The following SMCHD1 variants were observed in gnomAD, a reference collection of about 807,000 sequenced individuals.
SMCHD1 encodes structural maintenance of chromosomes flexible hinge domain-containing protein 1.
Under a neutral mutation model 254.7 loss-of-function variants are expected in SMCHD1, and 78 were observed. That is an observed-to-expected ratio of 0.31 (90% CI 0.26 to 0.37). SMCHD1 has a LOEUF of 0.37. Ranked by LOEUF, SMCHD1 falls within the 10% of genes least tolerant of loss-of-function variation. The pLI, the probability that SMCHD1 is intolerant of heterozygous loss-of-function variation, is 1.00. For missense variants in SMCHD1, 1,840 were observed against 2,408.1 expected, an observed-to-expected ratio of 0.76 and a Z score of 4.94; for synonymous variants, 766 against 794.9, an observed-to-expected ratio of 0.96 and a Z score of 0.61.
chr18:2,762,374 A>C (rs1291389257), intron 36 of SMCHD1, 138 bp downstream of exon 36: 5 of 617,364 alleles, frequency 8.1e-6, no homozygotes, highest in Non-Finnish European at 1.4e-5. Flanking sequence ...GATGAATTAA[A>C]TATTTATAAA....
intron 5 of SMCHD1, among the ~76,000 whole-genome samples, chr18:2,680,428 C>T (rs2073898701): frequency 6.6e-6 from 1 of 152,186 alleles, no homozygotes; most frequent in Non-Finnish European, 1.5e-5. Context: ...GCTTTGTGGT[C>T]AGCTAGTGAT....
At chr18:2,785,588 G>A (rs2076225597) in intron 45 of SMCHD1, among the ~76,000 whole-genome samples, 1 of 134,470 alleles carries the variant, frequency 7.4e-6, no homozygotes, top group African/African-American at 2.8e-5. Context: ...GGAGGTGGAG[G>A]TTACAGTGAG....
rs1041610561 is a variant in SMCHD1, at chr18:2,731,177, A to G, written c.3049-1088A>G. On this transcript the variant is annotated intron_variant, in intron 24 of 47. Transcript: ENST00000320876. Reference sequence around the variant, plus strand: ...ACATTCCATGAGGTAGGAATTTTTAATATCACTCACGTGGATAGGCTTCCA... The same window carrying G: ...ACATTCCATGAGGTAGGAATTTTTAGTATCACTCACGTGGATAGGCTTCCA... Among the ~76,000 whole-genome samples, 4 of 152,368 alleles carry G rather than the reference A, an allele frequency of 2.6e-5. No individual in the cohort carries two copies. In the South Asian group the frequency reaches 6.2e-4, roughly 24 times the overall value.
rs397858216 is a variant in SMCHD1 at position 2,767,584 on chromosome 18, C to CTTTTTTTTT, written c.4720-2095_4720-2087dup. ...TGGGCTATATATCACAACCTATTTC[C>CTTTTTTTTT]TTTTTTTTTTTTTTTTTTTTTTTGA... On this transcript the variant is annotated intron_variant, in intron 37 of 47. Coordinates refer to ENST00000320876, the MANE Select transcript of SMCHD1 (RefSeq NM_015295.3). Among the ~76,000 whole-genome samples, 14 of 89,244 alleles carry CTTTTTTTTT rather than the reference C, an allele frequency of 1.6e-4. 1 individual carries two copies. The highest frequency in any genetic ancestry group is 2.0e-4 in the Non-Finnish European group (10 of 49,750). 58.5% of individuals were successfully genotyped at this position (89,244 alleles called of 152,430 possible).
intron 24 of SMCHD1, among the ~76,000 whole-genome samples, chr18:2,731,886 C>G (rs966317475): frequency 5.3e-5 from 8 of 152,090 alleles, no homozygotes; most frequent in African/African-American, 1.9e-4. Context: ...TGGTAGGCGC[C>G]TGTAATCCCA....
At chr18:2,721,973 A>T (rs2074936479) in intron 19 of SMCHD1, among the ~76,000 whole-genome samples, 1 of 152,158 alleles carries the variant, frequency 6.6e-6, no homozygotes, top group Non-Finnish European at 1.5e-5. Flanking sequence ...TTCTCAGGGG[A>T]TGCTAAAACT....
intron 5 of SMCHD1, among the ~76,000 whole-genome samples, chr18:2,687,421 C>T (rs1322998471): frequency 6.6e-6 from 1 of 151,940 alleles, no homozygotes; most frequent in African/African-American, 2.4e-5. Flanking sequence ...AGATAATATT[C>T]CTCTCTGTCT....
intron 1 of SMCHD1, among the ~76,000 whole-genome samples, chr18:2,657,909 A>C (rs2430852): frequency 0.17 from 26,151 of 151,402 alleles, 5,502 homozygotes; most frequent in African/African-American, 0.5. Context: ...CAGCCTCCCA[A>C]GTAGCCAGGA....
Position 2,707,936 on chromosome 18 carries a change from A to G in SMCHD1, c.2260+16A>G. 1.4e-6 allele frequency: 2 copies of G among 1,381,386 alleles called. No individual in the cohort carries two copies. Among genetic ancestry groups the G allele is most frequent in the Non-Finnish European group, 2.0e-6 (2 of 1,011,764 alleles). 85.6% of individuals were successfully genotyped at this position (1,381,386 alleles called of 1,614,324 possible). On this transcript the variant is annotated intron_variant, in intron 17 of 47. Coordinates refer to ENST00000320876, the MANE Select transcript of SMCHD1 (RefSeq NM_015295.3). ...ATTTTACATTGTAAGTATACAAACT[A>G]ATTTAGATCTTTAATATTGTTTTTA...
Position 2,677,088 on chromosome 18 carries a change from C to T in SMCHD1, c.638+2943C>T, listed in dbSNP as rs149976782. Among the ~76,000 whole-genome samples, 887 of 152,196 alleles carry T rather than the reference C, an allele frequency of 5.8e-3. 8 individuals are homozygous for T. The highest frequency in any genetic ancestry group is 0.015 in the South Asian group (72 of 4,830). On this transcript the variant is annotated intron_variant, in intron 5 of 47. Coordinates refer to ENST00000320876, the MANE Select transcript of SMCHD1 (RefSeq NM_015295.3). The stretch of plus-strand genomic sequence containing the variant: ...GCTAGTTTTCTTGTAGAATGGTCCA[C>T]AACCTGGATCTGAGTGTTTCCTCAG...
intron 1 of SMCHD1, among the ~76,000 whole-genome samples, chr18:2,657,950 G>GT (rs879488698): frequency 0.029 from 4,085 of 141,690 alleles, 66 homozygotes; most frequent in Middle Eastern, 0.13. Context: ...GCCCAGCTAT[G>GT]TTTTTTTTTT....
chr18:2,803,798 A>T lies in SMCHD1; in HGVS notation c.*1246A>T, dbSNP rs1301387590. 3.9e-5 allele frequency: 6 copies of T among 152,230 alleles called. No homozygotes were observed. The East Asian group carries it at 9.6e-4, about 24-fold the overall frequency. 9.4% of individuals were successfully genotyped at this position (152,230 alleles called of 1,614,324 possible). On this transcript the variant is annotated 3_prime_UTR_variant, in exon 48 of 48. Transcript: ENST00000320876. ...GGAAGATTGGCTCCCATGGTACTAC[A>T]GGTTGAGTATCCCTTATTCAAAATG...
intron 44 of SMCHD1, 32 bp from the exon 45 acceptor site, chr18:2,784,418 C>T (rs1275778221): frequency 1.3e-6 from 2 of 1,538,544 alleles, no homozygotes; most frequent in Non-Finnish European, 1.8e-6. Flanking sequence ...AAATAAGTTG[C>T]TCACTACTTA....
At chr18:2,723,704 G>C (rs1234645974) in intron 20 of SMCHD1, among the ~76,000 whole-genome samples, 1 of 152,016 alleles carries the variant, frequency 6.6e-6, no homozygotes, top group Non-Finnish European at 1.5e-5. Context: ...TGCTGTCCCT[G>C]GTTCAGAGAT....
At chr18:2,700,085 G>T (rs896407798) in intron 10 of SMCHD1, among the ~76,000 whole-genome samples, 2 of 152,138 alleles carry the variant, frequency 1.3e-5, no homozygotes, top group Non-Finnish European at 2.9e-5. Flanking sequence ...CTTAATTTTA[G>T]CATCATTCAC....
chr18:2,762,281 A>T (rs766350524), intron 36 of SMCHD1, 45 bp downstream of exon 36: 2 of 1,587,622 alleles, frequency 1.3e-6, no homozygotes, highest in Non-Finnish European at 8.6e-7. Context: ...AACAAGAAAA[A>T]TTATCTTTGA....
chr18:2,763,904 A>C, intron 37 of SMCHD1, 115 bp downstream of exon 37: 1 of 946,394 alleles, frequency 1.1e-6, no homozygotes. Flanking sequence ...CATAGCACTA[A>C]ATTGGGAAGT....
chr18:2,761,107 T>C (rs2075775295), intron 35 of SMCHD1, among the ~76,000 whole-genome samples: 1 of 152,236 alleles, frequency 6.6e-6, no homozygotes, highest in East Asian at 1.9e-4. Context: ...TTATGTCCTT[T>C]GCAGCAACAT....
chr18:2,701,857 C>A (rs1235584040), intron 12 of SMCHD1, among the ~76,000 whole-genome samples: 1 of 151,660 alleles, frequency 6.6e-6, no homozygotes, highest in African/African-American at 2.4e-5. Flanking sequence ...TATTGCTGGG[C>A]AATAAATACA....
Sources: gnomAD v4.1 joint callset for allele counts (sites outside exome capture counted in the v4.1 genomes callset) on GRCh38, gnomAD v4.1.1 for gene constraint, MANE v1.5 for transcripts, NCBI Gene and HGNC (gene_info 2026-07-23, HGNC 2026-07-21) for gene names.